GLT6D1: variants seen among roughly 807,000 people sequenced by gnomAD.
GLT6D1 encodes putative glycosyltransferase 6 domain-containing protein 1.
In GLT6D1, 9 loss-of-function variants were observed where a neutral mutation model predicts 12.3. That is an observed-to-expected ratio of 0.73 (90% CI 0.44 to 1.27). The LOEUF is 1.27. Among genes scored for constraint, GLT6D1 ranks in the 50% most tolerant of loss-of-function variants. The pLI, the probability that GLT6D1 is intolerant of heterozygous loss-of-function variation, is 0.00. For synonymous variants in GLT6D1, 128 were observed against 132.3 expected (o/e 0.97, Z 0.23); for missense variants, 335 against 346.2 (o/e 0.97, Z 0.26).
intron 2 of GLT6D1, 46 bp from the exon 3 acceptor site, chr9:135,631,524 T>TAAACATTGAACA: frequency 6.3e-6 from 9 of 1,432,196 alleles, no homozygotes; most frequent in Non-Finnish European, 8.9e-6. Context: ...GCCTGTTCAA[T>TAAACATTGAACA]GTTTATTGAG....
At chr9:135,625,348 C>G (rs1833483515) in intron 4 of GLT6D1, among the ~76,000 whole-genome samples, 1 of 152,082 alleles carries the variant, frequency 6.6e-6, no homozygotes, top group Admixed American at 6.5e-5. Context: ...TACAGGACAG[C>G]CAGAAATTGA....
In GLT6D1 at chr9:135,632,963, C is replaced by T. The variant is rs533365727; in HGVS notation, c.72-1485G>A. On this transcript the variant is annotated intron_variant, in intron 2 of 4. Transcript: ENST00000371763. ...GATTACAGGTGTGAGCCACCACGCA[C>T]GGCCTGTCCTGTCCTTTCTGTAATC... 5.1e-4 allele frequency among the ~76,000 whole-genome samples: 77 copies of T among 152,184 alleles called. No homozygotes were observed. In the Middle Eastern group the frequency reaches 0.017, roughly 34 times the overall value.
At chr9:135,627,296 C>A (rs1359453624) in intron 3 of GLT6D1, among the ~76,000 whole-genome samples, 1 of 152,068 alleles carries the variant, frequency 6.6e-6, no homozygotes, top group Non-Finnish European at 1.5e-5. Flanking sequence ...TTTCAGGATA[C>A]AAGATCAGCA....
intron 2 of GLT6D1, among the ~76,000 whole-genome samples, chr9:135,634,693 CTTG>C (rs1833730118): frequency 6.6e-6 from 1 of 151,732 alleles, no homozygotes; most frequent in South Asian, 2.1e-4. Context: ...GTTGGATTTT[CTTG>C]TTTTCCCCTA....
At chr9:135,631,348 G>T in intron 3 of GLT6D1, 83 bp downstream of exon 3, 2 of 1,080,306 alleles carry the variant, frequency 1.9e-6, no homozygotes, top group East Asian at 2.4e-5. Flanking sequence ...AGCTGAATTT[G>T]GTGACTGGGG....
At chr9:135,626,007 G>C (rs1333241) in intron 4 of GLT6D1, 62 bp downstream of exon 4, 1,177,167 of 1,563,302 alleles carry the variant, frequency 0.75, 445,188 homozygotes, top group East Asian at 0.95. Flanking sequence ...GAGGTTAAAG[G>C]CTCGTGAATG....
At chr9:135,640,165 CGA>C (rs1833863141), upstream of GLT6D1, among the ~76,000 whole-genome samples, 1 of 152,018 alleles carries the variant, frequency 6.6e-6, no homozygotes, top group African/African-American at 2.4e-5. Flanking sequence ...CATGTGGTCC[CGA>C]GTGTGTGAAA....
intron 4 of GLT6D1, among the ~76,000 whole-genome samples, chr9:135,625,549 T>C (rs980808821): frequency 6.6e-6 from 1 of 152,174 alleles, no homozygotes; most frequent in African/African-American, 2.4e-5. Context: ...TTTACTAGTC[T>C]GCAAAATAGC....
chr9:135,629,248 G>A (rs1407429784), intron 3 of GLT6D1, among the ~76,000 whole-genome samples: 1 of 152,006 alleles, frequency 6.6e-6, no homozygotes, highest in Non-Finnish European at 1.5e-5. Context: ...TTTAATGTAG[G>A]CATTTATAGC....
chr9:135,632,406 C>G (rs936540485), intron 2 of GLT6D1, among the ~76,000 whole-genome samples: 1 of 152,202 alleles, frequency 6.6e-6, no homozygotes, highest in Non-Finnish European at 1.5e-5. Context: ...GTCCCCCTTT[C>G]TGGCATTATC....
At chr9:135,627,970 C>T (rs1428824216) in intron 3 of GLT6D1, among the ~76,000 whole-genome samples, 1 of 152,066 alleles carries the variant, frequency 6.6e-6, no homozygotes, top group Admixed American at 6.5e-5. Context: ...TGCTTATTGG[C>T]CATTAGTATA....
At position 135,628,536 on chromosome 9, in the gene GLT6D1, A is replaced by G. The variant is rs374345981; in HGVS notation, c.120-2330T>C. Among the ~76,000 whole-genome samples the G allele has an allele frequency of 9.9e-5, 15 of 152,052 alleles. No individual in the cohort carries two copies. The East Asian group carries it at 2.1e-3, about 21-fold the overall frequency. On this transcript the variant is annotated intron_variant, in intron 3 of 4. Coordinates refer to ENST00000371763, the MANE Select transcript of GLT6D1 (RefSeq NM_182974.3). ...TTCTGCATTTATATTCATATGGGAT[A>G]TTGGTCTGTAGTTTTCTTGTGATAC... is the stretch of plus-strand genomic sequence containing the variant.
In GLT6D1 at chr9:135,624,960, T is replaced by C. The variant is rs1588198373; in HGVS notation, c.258-290A>G. ...TATTTCACCATGTTGGCCAGGCTGG[T>C]CTCGAACTCCTGACCTCAGGTGATC... On this transcript the variant is annotated intron_variant, in intron 4 of 4. Coordinates refer to ENST00000371763, the MANE Select transcript of GLT6D1 (RefSeq NM_182974.3). 2.0e-5 allele frequency among the ~76,000 whole-genome samples: 3 copies of C among 150,078 alleles called. No homozygotes were observed. The South Asian group carries it at 6.4e-4, about 32-fold the overall frequency.
At chr9:135,634,563 C>T (rs574554502) in intron 2 of GLT6D1, among the ~76,000 whole-genome samples, 40 of 147,944 alleles carry the variant, frequency 2.7e-4, no homozygotes, top group African/African-American at 6.0e-4. Flanking sequence ...AGCTAGTATG[C>T]GGAATCCCCT....
In GLT6D1 at chr9:135,638,407, G is replaced by A. The variant is rs912046919; in HGVS notation, c.71+710C>T. On this transcript the variant is annotated intron_variant, in intron 2 of 4. Transcript: ENST00000371763. ...CATGCTTCTATATGCATAGAATTAG[G>A]TTGACTTTAGTCTTGTTTACATTAA... Among the ~76,000 whole-genome samples the A allele has an allele frequency of 4.6e-5, 7 of 152,130 alleles. No individual in the cohort carries two copies. In the East Asian group the frequency reaches 1.3e-3, roughly 29 times the overall value.
chr9:135,629,703 C>T (rs544439414), intron 3 of GLT6D1, among the ~76,000 whole-genome samples: 1 of 152,266 alleles, frequency 6.6e-6, no homozygotes, highest in East Asian at 1.9e-4. Context: ...TCCAGCTATT[C>T]TTGTTGAATT....
chr9:135,637,269 C>T (rs1365092398), intron 2 of GLT6D1, among the ~76,000 whole-genome samples: 1 of 149,878 alleles, frequency 6.7e-6, no homozygotes, highest in African/African-American at 2.5e-5. Flanking sequence ...CTTCATGAAC[C>T]ACAGCTTGTT....
intron 4 of GLT6D1, among the ~76,000 whole-genome samples, chr9:135,625,069 C>G (rs926490423): frequency 3.9e-5 from 6 of 151,988 alleles, no homozygotes; most frequent in African/African-American, 1.5e-4. Flanking sequence ...TAAACATGAT[C>G]AGGAGAAGAG....
chr9:135,634,355 T>C (rs1000835174), intron 2 of GLT6D1, among the ~76,000 whole-genome samples: 2 of 151,208 alleles, frequency 1.3e-5, no homozygotes, highest in South Asian at 4.2e-4. Flanking sequence ...CTCCAACTCC[T>C]GACCTCAAGT....
Sources: gnomAD v4.1 joint callset for allele counts (sites outside exome capture counted in the v4.1 genomes callset) on GRCh38, gnomAD v4.1.1 for gene constraint, MANE v1.5 for transcripts, NCBI Gene and HGNC (gene_info 2026-07-23, HGNC 2026-07-21) for gene names.